STK32B: variants seen among roughly 807,000 people sequenced by gnomAD.
STK32B encodes serine/threonine kinase 32B.
STK32B carries 43 observed loss-of-function variants against 52.6 expected under a neutral mutation model. The observed-to-expected ratio is 0.82, with a 90% CI of 0.64 to 1.05. The LOEUF (loss-of-function observed/expected upper bound fraction) is 1.05, where lower values mean the gene tolerates loss of function less well. Among genes scored for constraint, STK32B ranks in the 50% least tolerant of loss-of-function variants. STK32B has a pLI of 0.00. For missense variants in STK32B, 621 were observed against 534.6 expected (o/e 1.16, Z -1.59); for synonymous variants, 238 against 204.3 (o/e 1.17, Z -1.41).
At chr4:5,304,774 G>C (rs1027638739) in intron 3 of STK32B, among the ~76,000 whole-genome samples, 7 of 143,132 alleles carry the variant, frequency 4.9e-5, no homozygotes, top group Non-Finnish European at 9.0e-5. Flanking sequence ...TATCGGGGAG[G>C]GGGGGTGCTT....
intron 1 of STK32B, among the ~76,000 whole-genome samples, chr4:5,085,569 C>T (rs1442137335): frequency 6.6e-6 from 1 of 152,186 alleles, no homozygotes; most frequent in Admixed American, 6.5e-5. Flanking sequence ...GGTGCATTCT[C>T]TACTATGTTC....
chr4:5,101,919 A>G (rs1713808047), intron 1 of STK32B, among the ~76,000 whole-genome samples: 1 of 152,190 alleles, frequency 6.6e-6, no homozygotes, highest in Non-Finnish European at 1.5e-5. Context: ...CTTTCCACAG[A>G]TATTTATTTA....
chr4:5,247,577 G>C (rs1164628530), intron 3 of STK32B, among the ~76,000 whole-genome samples: 1 of 152,120 alleles, frequency 6.6e-6, no homozygotes, highest in African/African-American at 2.4e-5. Context: ...TGCACCCACT[G>C]TCCTGCACCC....
chr4:5,264,332 C>G (rs1726915868), intron 3 of STK32B, among the ~76,000 whole-genome samples: 1 of 152,154 alleles, frequency 6.6e-6, no homozygotes, highest in African/African-American at 2.4e-5. Flanking sequence ...TATAGCCATT[C>G]TAGGCAGTGT....
intron 7 of STK32B, among the ~76,000 whole-genome samples, chr4:5,451,999 C>T (rs1716046242): frequency 6.6e-6 from 1 of 152,310 alleles, no homozygotes. Flanking sequence ...CTTTAGCACC[C>T]TTCAACCACT....
intron 3 of STK32B, among the ~76,000 whole-genome samples, chr4:5,278,833 T>G (rs1728008567): frequency 1.3e-5 from 2 of 152,084 alleles, no homozygotes; most frequent in South Asian, 4.1e-4. Context: ...AGGAACAATC[T>G]TCACATGGCA....
At chr4:5,424,025 G>A (rs967002599) in intron 6 of STK32B, among the ~76,000 whole-genome samples, 7 of 152,102 alleles carry the variant, frequency 4.6e-5, no homozygotes. Flanking sequence ...AGGCTCAGGG[G>A]CACCTGTTCC....
chr4:5,337,955 C>T (rs1179540830), intron 4 of STK32B, among the ~76,000 whole-genome samples: 3 of 152,072 alleles, frequency 2.0e-5, no homozygotes, highest in Non-Finnish European at 4.4e-5. Flanking sequence ...TTTGTCTTCC[C>T]TAGTAGGAAG....
chr4:5,464,343 C>G (rs1717271009), intron 9 of STK32B, among the ~76,000 whole-genome samples: 1 of 152,248 alleles, frequency 6.6e-6, no homozygotes, highest in Non-Finnish European at 1.5e-5. Context: ...CTGGGACATT[C>G]CCAGCCAGCG....
the STK32B span, among the ~76,000 whole-genome samples, chr4:5,038,035 G>A: frequency 6.6e-6 from 1 of 152,080 alleles, no homozygotes; most frequent in African/African-American, 2.4e-5. Flanking sequence ...CTAAGAAAAT[G>A]CCAGCCAACA....
intron 3 of STK32B, among the ~76,000 whole-genome samples, chr4:5,257,063 GTAAA>G (rs1726361182): frequency 6.7e-6 from 1 of 149,506 alleles, no homozygotes; most frequent in Non-Finnish European, 1.5e-5. Flanking sequence ...GAATATGTGA[GTAAA>G]TGAATGAATA....
chr4:5,413,164 A>G (rs1015697360), intron 5 of STK32B, among the ~76,000 whole-genome samples: 1 of 152,120 alleles, frequency 6.6e-6, no homozygotes, highest in Non-Finnish European at 1.5e-5. Context: ...CTACCCCACA[A>G]GGCCCTATTA....
At position 5,343,403 on chromosome 4, in the gene STK32B, G is replaced by A. The variant is rs562281409; in HGVS notation, c.434+12010G>A. ...CTTTGCTATTGTGAATAGTGCCGCA[G>A]TAAACATACGTATGCATGTGTCTTT... On this transcript the variant is annotated intron_variant, in intron 4 of 11. Transcript: ENST00000282908. 3.9e-5 allele frequency among the ~76,000 whole-genome samples: 6 copies of A among 152,156 alleles called. No individual in the cohort carries two copies. In the South Asian group the frequency reaches 1.0e-3, roughly 26 times the overall value.
intron 1 of STK32B, among the ~76,000 whole-genome samples, chr4:5,094,110 G>T (rs2108786349): frequency 6.6e-6 from 1 of 152,246 alleles, no homozygotes; most frequent in African/African-American, 2.4e-5. Context: ...CATTGAAAGT[G>T]CAGCTGTTAT....
At chr4:5,479,801 C>T (rs1273883095) in intron 11 of STK32B, among the ~76,000 whole-genome samples, 2 of 152,160 alleles carry the variant, frequency 1.3e-5, no homozygotes, top group Non-Finnish European at 2.9e-5. Context: ...GGTATGTGTC[C>T]TCCCACAGCT....
chr4:5,327,067 G>T (rs778968704), intron 3 of STK32B, among the ~76,000 whole-genome samples: 1 of 151,938 alleles, frequency 6.6e-6, no homozygotes, highest in Non-Finnish European at 1.5e-5. Flanking sequence ...TTATCCTTAG[G>T]GGAAACAACT....
In STK32B at chr4:5,500,683, A is replaced by G. The variant is rs1371602344; in HGVS notation, c.*1600A>G. 6.6e-6 allele frequency: 1 copy of G among 151,140 alleles called. No homozygotes were observed. Among genetic ancestry groups the G allele is most frequent in the African/African-American group, 2.5e-5 (1 of 40,586 alleles). 9.4% of individuals were successfully genotyped at this position (151,140 alleles called of 1,614,324 possible). A position where few individuals can be genotyped will look rare whatever the true frequency, so the allele number is the denominator to read the frequency against. On this transcript the variant is annotated 3_prime_UTR_variant, in exon 12 of 12. Transcript: ENST00000282908. The stretch of plus-strand genomic sequence containing the variant: ...TTTATTTTTTAAAAAAGAAATAGTC[A>G]GTGTTTTCCTCCTTTCAACCGAGAC...
At chr4:5,371,186 T>TCC (rs1735217339) in intron 4 of STK32B, among the ~76,000 whole-genome samples, 1 of 151,872 alleles carries the variant, frequency 6.6e-6, no homozygotes, top group African/African-American at 2.4e-5. Context: ...ACAGCTGGGA[T>TCC]TACAGCCAAT....
At chr4:5,079,215 C>G (rs1348861323) in intron 1 of STK32B, among the ~76,000 whole-genome samples, 1 of 151,914 alleles carries the variant, frequency 6.6e-6, no homozygotes, top group Non-Finnish European at 1.5e-5. Context: ...TAACTATATT[C>G]CTATTGTTGG....
Sources: gnomAD v4.1 joint callset for allele counts (sites outside exome capture counted in the v4.1 genomes callset) on GRCh38, gnomAD v4.1.1 for gene constraint, MANE v1.5 for transcripts, NCBI Gene and HGNC (gene_info 2026-07-23, HGNC 2026-07-21) for gene names.